IL1RAPL2: variants seen among roughly 807,000 people sequenced by gnomAD.
The protein encoded by IL1RAPL2 is X-linked interleukin-1 receptor accessory protein-like 2.
IL1RAPL2 carries 3 observed loss-of-function variants against 44.1 expected under a neutral mutation model. The ratio of observed to expected loss-of-function variants is 0.07; its 90% CI spans 0.03 to 0.18. The LOEUF (loss-of-function observed/expected upper bound fraction) is 0.18. Among genes scored for constraint, IL1RAPL2 ranks in the 10% least tolerant of loss-of-function variants. IL1RAPL2 has a pLI of 1.00. For synonymous variants in IL1RAPL2, 181 were observed against 178.8 expected, an observed-to-expected ratio of 1.01 and a Z score of -0.10; for missense variants, 391 against 496.4, an observed-to-expected ratio of 0.79 and a Z score of 2.02.
Position 104,760,439 on chromosome X carries a change from C to A in IL1RAPL2, c.82+101444C>A, listed in dbSNP as rs865968566. Among the ~76,000 whole-genome samples, 8 of 111,950 alleles carry A rather than the reference C, an allele frequency of 7.1e-5. No individual in the cohort carries two copies. The East Asian group carries it at 1.1e-3, about 16-fold the overall frequency. ...TCCCTTTTCTCCACATCTTCACCAG[C>A]ATTTGTTATTGCCTGTCTTTTGGGT... is the stretch of plus-strand genomic sequence containing the variant. On this transcript the variant is annotated intron_variant, in intron 2 of 10. Transcript: ENST00000372582.
chrX:105,654,759 T>C (rs748519560), intron 6 of IL1RAPL2, among the ~76,000 whole-genome samples: 4 of 112,010 alleles, frequency 3.6e-5, no homozygotes, highest in Non-Finnish European at 5.6e-5. Context: ...ATTGACTTCC[T>C]GTTTTAGAAT....
intron 5 of IL1RAPL2, among the ~76,000 whole-genome samples, chrX:105,402,710 G>A (rs767796104): frequency 5.4e-5 from 6 of 111,321 alleles, no homozygotes; most frequent in East Asian, 2.8e-4. Flanking sequence ...ATTAGGGTGC[G>A]TTAAAAATAT....
chrX:104,914,806 A>G (rs947104916), intron 2 of IL1RAPL2, among the ~76,000 whole-genome samples: 3 of 110,496 alleles, frequency 2.7e-5, no homozygotes, highest in Non-Finnish European at 5.7e-5. Flanking sequence ...ATGAGTGAGA[A>G]CATGCGGTGT....
intron 2 of IL1RAPL2, among the ~76,000 whole-genome samples, chrX:104,781,438 C>G (rs2147602668): frequency 1.8e-5 from 2 of 111,328 alleles, no homozygotes; most frequent in African/African-American, 6.5e-5. Context: ...ACTTGGAGAC[C>G]CCAAAATATA....
chrX:105,087,722 T>C (rs913383458), intron 2 of IL1RAPL2, among the ~76,000 whole-genome samples: 1 of 112,075 alleles, frequency 8.9e-6, no homozygotes, highest in Non-Finnish European at 1.9e-5. Flanking sequence ...ATATATAAAA[T>C]GGGGGTAATA....
In IL1RAPL2 at chrX:104,949,384, C is replaced by G. The variant is rs757370879; in HGVS notation, c.83-246091C>G. On this transcript the variant is annotated intron_variant, in intron 2 of 10. Transcript: ENST00000372582. ...CAAAAAACCAGCTCCTGGATTCACT[C>G]ATTTTTTGAAGGGTTTTTTGTGTCT... Among the ~76,000 whole-genome samples the G allele has an allele frequency of 4.7e-4, 52 of 110,591 alleles. 1 individual carries two copies. The East Asian group carries it at 1.0e-2, about 21-fold the overall frequency.
chrX:105,424,132 T>G (rs2147747128), intron 5 of IL1RAPL2, among the ~76,000 whole-genome samples: 1 of 112,270 alleles, frequency 8.9e-6, no homozygotes, highest in African/African-American at 3.2e-5. Context: ...TTAGAAAGTT[T>G]ATTTTGCCAA....
At position 104,870,539 on chromosome X, in the gene IL1RAPL2, A is replaced by G. The variant is rs1002443669; in HGVS notation, c.82+211544A>G. Among the ~76,000 whole-genome samples, 3 of 112,139 alleles carry G rather than the reference A, an allele frequency of 2.7e-5. No homozygotes were observed. The Admixed American group carries it at 2.8e-4, about 11-fold the overall frequency. On this transcript the variant is annotated intron_variant, in intron 2 of 10. Transcript: ENST00000372582. ...AGTAACTGGCTCAAATCCGCAGCAT[A>G]AATCAGGCAAGTGGGATCTAATTCA...
intron 6 of IL1RAPL2, among the ~76,000 whole-genome samples, chrX:105,531,794 C>A (rs1334122305): frequency 9.0e-6 from 1 of 111,685 alleles, no homozygotes; most frequent in Non-Finnish European, 1.9e-5. Context: ...GTTTTCCCAG[C>A]ACGATTTATT....
intron 1 of IL1RAPL2, among the ~76,000 whole-genome samples, chrX:104,649,062 C>G (rs748415516): frequency 4.2e-4 from 47 of 110,639 alleles, no homozygotes; most frequent in Non-Finnish European, 8.1e-4. Context: ...AATTTTTTCT[C>G]TCTCTGCTTC....
Position 104,904,510 on chromosome X carries a change from A to T in IL1RAPL2, c.82+245515A>T, listed in dbSNP as rs771642672. ...ATATTCCCCTTCCTGTGTCCATGTG[A>T]TCTCATTGTTCAATTCCCATCTATG... On this transcript the variant is annotated intron_variant, in intron 2 of 10. Transcript: ENST00000372582. Among the ~76,000 whole-genome samples, 14 of 88,590 alleles carry T rather than the reference A, an allele frequency of 1.6e-4. No homozygotes were observed. In the South Asian group the frequency reaches 5.6e-3, roughly 35 times the overall value. 76.9% of individuals were successfully genotyped at this position (88,590 alleles called of 115,157 possible).
intron 5 of IL1RAPL2, among the ~76,000 whole-genome samples, chrX:105,408,867 T>C (rs2035670508): frequency 2.1e-5 from 1 of 47,154 alleles, no homozygotes; most frequent in Non-Finnish European, 4.0e-5. Flanking sequence ...TAATAAATGA[T>C]ATAAAGTGTT....
chrX:105,691,839 T>TA (rs1400875189), intron 6 of IL1RAPL2, among the ~76,000 whole-genome samples: 2 of 111,461 alleles, frequency 1.8e-5, no homozygotes, highest in Non-Finnish European at 3.8e-5. Flanking sequence ...GATTTTTTTT[T>TA]ATGAAGAAGG....
chrX:105,196,679 A>G (rs2033675117), intron 3 of IL1RAPL2, among the ~76,000 whole-genome samples: 1 of 111,104 alleles, frequency 9.0e-6, no homozygotes, highest in South Asian at 3.8e-4. Flanking sequence ...AAAAAGCAAT[A>G]TGTTTTTTCC....
At chrX:105,547,981 G>A (rs1008468511) in intron 6 of IL1RAPL2, among the ~76,000 whole-genome samples, 1 of 111,702 alleles carries the variant, frequency 9.0e-6, no homozygotes, top group Non-Finnish European at 1.9e-5. Flanking sequence ...GAACATCTCT[G>A]ATGAAAAGAA....
intron 3 of IL1RAPL2, among the ~76,000 whole-genome samples, chrX:105,224,206 C>T (rs2033993890): frequency 9.1e-6 from 1 of 110,200 alleles, no homozygotes; most frequent in Non-Finnish European, 1.9e-5. Context: ...TAGGAGTAGT[C>T]AGAGAAGTAG....
intron 6 of IL1RAPL2, among the ~76,000 whole-genome samples, chrX:105,514,727 G>A (rs2036499164): frequency 8.9e-6 from 1 of 111,834 alleles, no homozygotes; most frequent in South Asian, 3.7e-4. Flanking sequence ...GATGGAGACA[G>A]CAACAAAGGG....
chrX:104,866,097 A>C (rs1362572312), intron 2 of IL1RAPL2, among the ~76,000 whole-genome samples: 1 of 111,956 alleles, frequency 8.9e-6, no homozygotes, highest in Non-Finnish European at 1.9e-5. Flanking sequence ...TGAATGGATT[A>C]ATTAATTAAG....
intron 1 of IL1RAPL2, among the ~76,000 whole-genome samples, chrX:104,575,048 T>C (rs1928219258): frequency 8.9e-6 from 1 of 111,816 alleles, no homozygotes; most frequent in African/African-American, 3.2e-5. Context: ...GTTATTATGC[T>C]TATATAATTT....
Sources: gnomAD v4.1 joint callset for allele counts (sites outside exome capture counted in the v4.1 genomes callset) on GRCh38, gnomAD v4.1.1 for gene constraint, MANE v1.5 for transcripts, NCBI Gene and HGNC (gene_info 2026-07-23, HGNC 2026-07-21) for gene names.